The following CADM2 variants were observed in gnomAD, a reference collection of about 807,000 sequenced individuals.
CADM2 encodes immunoglobulin superfamily member 4D.
A neutral mutation model predicts 49.8 loss-of-function variants in CADM2; 12 were observed. The observed-to-expected ratio is 0.24, with a 90% confidence interval of 0.15 to 0.39. The LOEUF is 0.39. Among genes scored for constraint, CADM2 ranks in the 10% least tolerant of loss-of-function variants. The pLI, the probability that CADM2 is intolerant of heterozygous loss-of-function variation, is 1.00. For missense variants in CADM2, 378 were observed against 492.3 expected, an observed-to-expected ratio of 0.77 and a Z score of 2.20; for synonymous variants, 214 against 175.4, an observed-to-expected ratio of 1.22 and a Z score of -1.74.
intron 2 of CADM2, among the ~76,000 whole-genome samples, chr3:85,783,584 G>A (rs2070787990): frequency 6.6e-6 from 1 of 152,084 alleles, no homozygotes; most frequent in Non-Finnish European, 1.5e-5. Context: ...CCTGTGTCCT[G>A]GAGCTACACA....
chr3:85,114,273 C>A (rs1404018235), intron 1 of CADM2, among the ~76,000 whole-genome samples: 6 of 151,790 alleles, frequency 4.0e-5, no homozygotes, highest in Non-Finnish European at 8.8e-5. Flanking sequence ...TGGGCTGAAT[C>A]GATAGGACAG....
chr3:85,285,086 A>G lies in CADM2; in HGVS notation c.61+325418A>G, dbSNP rs912179081. On this transcript the variant is annotated intron_variant, in intron 1 of 9. Coordinates refer to ENST00000383699, the MANE Select transcript of CADM2 (RefSeq NM_001167675.2). ...GGATTTGCTGATGTCCGAAGATGGG[A>G]TGCGATTTGTGGTTATTAAAGAAGG... Among the ~76,000 whole-genome samples, 8 of 152,124 alleles carry G rather than the reference A, an allele frequency of 5.3e-5. 1 individual carries two copies. The highest frequency in any genetic ancestry group is 1.9e-4 in the East Asian group (1 of 5,180).
At chr3:85,315,901 A>G (rs1357931491) in intron 1 of CADM2, among the ~76,000 whole-genome samples, 2 of 152,144 alleles carry the variant, frequency 1.3e-5, no homozygotes, top group African/African-American at 4.8e-5. Context: ...ATATTTACGT[A>G]CACATGCATA....
intron 5 of CADM2, among the ~76,000 whole-genome samples, chr3:85,903,106 T>C (rs1716335990): frequency 6.6e-6 from 1 of 152,102 alleles, no homozygotes; most frequent in Non-Finnish European, 1.5e-5. Flanking sequence ...TCCACTTCCT[T>C]TGTGCTGTTA....
intron 1 of CADM2, among the ~76,000 whole-genome samples, chr3:85,707,492 G>C (rs2066988328): frequency 6.9e-6 from 1 of 145,398 alleles, no homozygotes; most frequent in South Asian, 2.1e-4. Flanking sequence ...TTATATGTCT[G>C]TATTTCTTTT....
chr3:85,720,667 T>G (rs9839124), intron 1 of CADM2, among the ~76,000 whole-genome samples: 1 of 152,190 alleles, frequency 6.6e-6, no homozygotes, highest in African/African-American at 2.4e-5. Flanking sequence ...TAGAAGAAAA[T>G]CTAGTACTTA....
At chr3:85,174,243 A>G (rs2040713823) in intron 1 of CADM2, among the ~76,000 whole-genome samples, 1 of 152,132 alleles carries the variant, frequency 6.6e-6, no homozygotes. Context: ...TCTTTCACAT[A>G]ATAAGATTTC....
At chr3:85,180,722 T>C (rs1220757448) in intron 1 of CADM2, among the ~76,000 whole-genome samples, 1 of 152,068 alleles carries the variant, frequency 6.6e-6, no homozygotes, top group Non-Finnish European at 1.5e-5. Flanking sequence ...TATCAAAATA[T>C]AGGAATGGAT....
chr3:85,949,776 AAC>A (rs1723218970), intron 7 of CADM2, among the ~76,000 whole-genome samples: 1 of 151,164 alleles, frequency 6.6e-6, no homozygotes, highest in South Asian at 2.1e-4. Flanking sequence ...GTATAATGAT[AAC>A]ACAGTGTTTA....
chr3:85,022,322 G>C (rs2107296288), intron 1 of CADM2, among the ~76,000 whole-genome samples: 1 of 152,230 alleles, frequency 6.6e-6, no homozygotes. Flanking sequence ...TACACTTTGT[G>C]CTTGTAACTT....
intron 8 of CADM2, among the ~76,000 whole-genome samples, chr3:86,021,070 G>T (rs558916828): frequency 3.8e-4 from 58 of 152,220 alleles, no homozygotes; most frequent in Non-Finnish European, 5.9e-4. Flanking sequence ...CGAGATCTCG[G>T]CTCACTGCAA....
chr3:85,780,398 A>G (rs993965447), intron 2 of CADM2, among the ~76,000 whole-genome samples: 1 of 152,246 alleles, frequency 6.6e-6, no homozygotes, highest in Non-Finnish European at 1.5e-5. Context: ...TCTATAGAAC[A>G]GAGAAAAGTC....
At chr3:86,041,253 G>C (rs1447154263) in intron 8 of CADM2, among the ~76,000 whole-genome samples, 2 of 152,226 alleles carry the variant, frequency 1.3e-5, no homozygotes, top group South Asian at 4.2e-4. Context: ...CATGTAAATG[G>C]ACTAAATGCT....
intron 1 of CADM2, among the ~76,000 whole-genome samples, chr3:85,331,137 A>G (rs2044911184): frequency 6.6e-6 from 1 of 151,936 alleles, no homozygotes; most frequent in South Asian, 2.1e-4. Flanking sequence ...GCTTCATTCC[A>G]ATTCTACTCT....
intron 1 of CADM2, among the ~76,000 whole-genome samples, chr3:85,552,921 C>T (rs552005494): frequency 2.6e-5 from 4 of 152,260 alleles, no homozygotes; most frequent in East Asian, 1.9e-4. Flanking sequence ...TCATGATCCA[C>T]CTGCCTCGGC....
intron 1 of CADM2, among the ~76,000 whole-genome samples, chr3:85,375,882 T>C (rs968520044): frequency 2.0e-5 from 3 of 152,110 alleles, no homozygotes; most frequent in Non-Finnish European, 4.4e-5. Context: ...CACTAGAGAA[T>C]AAATGTATTT....
intron 1 of CADM2, among the ~76,000 whole-genome samples, chr3:85,141,862 C>T (rs2039588177): frequency 6.6e-6 from 1 of 152,128 alleles, no homozygotes; most frequent in Non-Finnish European, 1.5e-5. Flanking sequence ...TTGCTGTGTG[C>T]ACCCCAAGAT....
chr3:86,053,681 A>C (rs1004011054), intron 8 of CADM2, among the ~76,000 whole-genome samples: 11 of 152,042 alleles, frequency 7.2e-5, no homozygotes, highest in Non-Finnish European at 1.0e-4. Flanking sequence ...GGTCTAATTC[A>C]GCTTGGGTCA....
At chr3:85,969,576 G>T (rs901118011) in intron 8 of CADM2, among the ~76,000 whole-genome samples, 4 of 150,942 alleles carry the variant, frequency 2.7e-5, no homozygotes, top group Admixed American at 6.6e-5. Flanking sequence ...ATATCATTAT[G>T]TGATAGTTTA....
Sources: allele counts gnomAD v4.1 joint callset (sites outside exome capture counted in the v4.1 genomes callset), GRCh38; gene constraint gnomAD v4.1.1; transcripts MANE v1.5; gene names NCBI Gene and HGNC (gene_info 2026-07-23, HGNC 2026-07-21).